Variants in ABCB1 observed in about 807,000 individuals in gnomAD.
ABCB1 encodes the protein ATP-dependent translocase ABCB1.
ABCB1 carries 69 observed loss-of-function variants against 142.0 expected under a neutral mutation model. That is an observed-to-expected ratio of 0.49 (90% confidence interval 0.40 to 0.59). The LOEUF is 0.59. ABCB1 is among the 20% of genes least tolerant of loss of function. The probability of loss-of-function intolerance (pLI) is 0.00; values close to 1 mark genes in which losing one functional copy is unlikely to be tolerated. For synonymous variants in ABCB1, 532 were observed against 539.2 expected (o/e 0.99, Z 0.18); for missense variants, 1,326 against 1,554.7 (o/e 0.85, Z 2.47).
At chr7:87,700,283 G>C (rs751117899) in intron 1 of ABCB1, 7 of 641,824 alleles carry the variant, frequency 1.1e-5, no homozygotes, top group Non-Finnish European at 1.3e-5. Flanking sequence ...GAGGCTTTTT[G>C]ACACCTAGAT....
chr7:87,514,840 C>T (rs1357185370), intron 25 of ABCB1, among the ~76,000 whole-genome samples: 3 of 152,240 alleles, frequency 2.0e-5, no homozygotes, highest in African/African-American at 7.2e-5. Flanking sequence ...CCCAATCTCT[C>T]TATACCATCT....
chr7:87,701,496 G>T (rs1008316958), intron 1 of ABCB1, among the ~76,000 whole-genome samples: 5 of 152,140 alleles, frequency 3.3e-5, no homozygotes, highest in African/African-American at 9.7e-5. Context: ...TGATGGAACT[G>T]CATAACTTGT....
intron 1 of ABCB1, among the ~76,000 whole-genome samples, chr7:87,653,830 A>G (rs1468047137): frequency 6.6e-6 from 1 of 152,002 alleles, no homozygotes; most frequent in African/African-American, 2.4e-5. Flanking sequence ...ATTTGTTAGT[A>G]TTGCTCTTAA....
At chr7:87,595,978 G>T (rs548692708) in intron 2 of ABCB1, among the ~76,000 whole-genome samples, 164 bp from the exon 3 acceptor site, 172 of 152,072 alleles carry the variant, frequency 1.1e-3, no homozygotes, top group Non-Finnish European at 1.8e-3. Flanking sequence ...CATTTATAAT[G>T]TTTAAATATG....
intron 4 of ABCB1, among the ~76,000 whole-genome samples, chr7:87,576,222 T>C (rs1818270458): frequency 6.6e-6 from 1 of 152,030 alleles, no homozygotes; most frequent in Non-Finnish European, 1.5e-5. Flanking sequence ...TTCTACTTTT[T>C]GGCTTGAAAA....
intron 5 of ABCB1, among the ~76,000 whole-genome samples, chr7:87,568,171 G>T (rs913746686): frequency 6.7e-6 from 1 of 150,120 alleles, no homozygotes; most frequent in Non-Finnish European, 1.5e-5. Flanking sequence ...CAAGGTGGGC[G>T]GATCATGAAG....
intron 1 of ABCB1, among the ~76,000 whole-genome samples, chr7:87,683,353 T>A (rs1827123904): frequency 6.6e-6 from 1 of 152,240 alleles, no homozygotes; most frequent in Non-Finnish European, 1.5e-5. Flanking sequence ...TATTCACCAC[T>A]TGCCTAACTG....
At position 87,679,254 on chromosome 7, in the gene ABCB1, G is replaced by A. The variant is rs185663397; in HGVS notation, c.-331+33907C>T. 3.0e-4 allele frequency among the ~76,000 whole-genome samples: 44 copies of A among 148,900 alleles called. 1 individual carries two copies. Among genetic ancestry groups the A allele is most frequent in the Admixed American group, 5.4e-4 (8 of 14,850 alleles). On this transcript the variant is annotated intron_variant, in intron 1 of 28. Transcript: ENST00000265724. Reference sequence around the variant, plus strand: ...ACTACAGGTGCCCGCCACCACGCCCGGGTAATTTTTTTGTATTTTTAGTAG... The same window carrying A: ...ACTACAGGTGCCCGCCACCACGCCCAGGTAATTTTTTTGTATTTTTAGTAG...
intron 3 of ABCB1, among the ~76,000 whole-genome samples, chr7:87,589,805 GGA>G (rs370840500): frequency 0.012 from 1,279 of 105,132 alleles, 10 homozygotes; most frequent in East Asian, 0.021. Context: ...GAGAGAGAGA[GGA>G]GAGAGAGAGA....
At chr7:87,537,871 T>C (rs930740783) in intron 19 of ABCB1, among the ~76,000 whole-genome samples, 1 of 152,234 alleles carries the variant, frequency 6.6e-6, no homozygotes, top group Non-Finnish European at 1.5e-5. Context: ...CTGTGGTCCC[T>C]AAGAAGTTAT....
intron 24 of ABCB1, among the ~76,000 whole-genome samples, chr7:87,516,295 AGTG>A (rs1205605873): frequency 3.3e-5 from 5 of 152,222 alleles, no homozygotes; most frequent in African/African-American, 1.2e-4. Flanking sequence ...TTGCTTATAA[AGTG>A]AGCAGTATTC....
chr7:87,691,817 A>G (rs959556127), intron 1 of ABCB1, among the ~76,000 whole-genome samples: 1 of 152,200 alleles, frequency 6.6e-6, no homozygotes, highest in Non-Finnish European at 1.5e-5. Context: ...GGTCCTGCCT[A>G]TCTCCTAAGG....
intron 1 of ABCB1, among the ~76,000 whole-genome samples, chr7:87,712,420 G>T (rs916519759): frequency 4.6e-5 from 7 of 152,112 alleles, no homozygotes; most frequent in African/African-American, 1.7e-4. Flanking sequence ...TATCAGAATC[G>T]AGTAGCTCAA....
chr7:87,622,377 A>G (rs1162500655), intron 1 of ABCB1, among the ~76,000 whole-genome samples: 2 of 152,202 alleles, frequency 1.3e-5, no homozygotes, highest in African/African-American at 4.8e-5. Flanking sequence ...TATCAAAAAG[A>G]TATTGCTCTT....
intron 2 of ABCB1, among the ~76,000 whole-genome samples, chr7:87,598,763 C>A (rs944634268): frequency 6.6e-6 from 1 of 152,172 alleles, no homozygotes; most frequent in Admixed American, 6.5e-5. Context: ...CTCAAATTGT[C>A]CCAGAGTTGG....
chr7:87,553,730 A>G (rs1817189770), intron 9 of ABCB1, 31 bp downstream of exon 9: 2 of 1,599,694 alleles, frequency 1.3e-6, no homozygotes, highest in South Asian at 2.2e-5. Flanking sequence ...ATTTTATAAT[A>G]ATGGTTCATT....
chr7:87,567,619 G>A (rs1817833693), intron 5 of ABCB1, among the ~76,000 whole-genome samples: 1 of 152,078 alleles, frequency 6.6e-6, no homozygotes, highest in Admixed American at 6.5e-5. Context: ...TTAAAAAGTA[G>A]TTTTATTTCA....
chr7:87,703,459 T>C (rs1407187023), intron 1 of ABCB1, among the ~76,000 whole-genome samples: 3 of 152,198 alleles, frequency 2.0e-5, no homozygotes, highest in African/African-American at 7.2e-5. Flanking sequence ...ATAGCTATGA[T>C]TTTTGTCACC....
chr7:87,516,731 C>CT (rs546527484), intron 23 of ABCB1, 66 bp from the exon 24 acceptor site: 56,561 of 781,348 alleles, frequency 0.072, 118 homozygotes, highest in Non-Finnish European at 0.077. Flanking sequence ...GCTGACACTC[C>CT]TTTTTTTTTT....
Sources: allele counts gnomAD v4.1 joint callset (sites outside exome capture counted in the v4.1 genomes callset), GRCh38; gene constraint gnomAD v4.1.1; transcripts MANE v1.5; gene names NCBI Gene and HGNC (gene_info 2026-07-23, HGNC 2026-07-21).